Variants in DLGAP3 observed in about 807,000 individuals in gnomAD.
DLGAP3 encodes disks large-associated protein 3.
Under a neutral mutation model 81.2 loss-of-function variants are expected in DLGAP3, and 17 were observed. That is an observed-to-expected ratio of 0.21 (90% CI 0.14 to 0.31). The LOEUF (loss-of-function observed/expected upper bound fraction) is 0.31, where lower values mean the gene tolerates loss of function less well. DLGAP3 is among the 10% of genes least tolerant of loss of function. The pLI is 1.00. For synonymous variants in DLGAP3, 577 were observed against 587.4 expected (o/e 0.98, Z 0.26); for missense variants, 1,124 against 1,388.0 (o/e 0.81, Z 3.02).
In DLGAP3 at chr1:34,867,140, C is replaced by T; in HGVS notation, c.2629G>A (p.Asp877Asn). 6.2e-7 allele frequency: 1 copy of T among 1,614,160 alleles called. No individual in the cohort carries two copies. Among genetic ancestry groups the T allele is most frequent in the East Asian group, 2.2e-5 (1 of 44,876 alleles). The change falls in exon 11 of 12, where the codon GAC (aspartate) becomes AAC (asparagine). Residue 877 changes from aspartate (D) to asparagine (N), a missense_variant. Around this residue, in one of 9 missense-constraint regions of DLGAP3, gnomAD observed 133 missense variants for 171.1 expected, o/e 0.78. Coordinates refer to ENST00000373347, the MANE Select transcript of DLGAP3 (RefSeq NM_001080418.3). This position sits in a 1 kb window ranked among gnomAD's most constrained non-coding sequence, Gnocchi z 4.3. ...PTFQDLAGFW[D>N]LLQLSIEDVT... Reference sequence around the variant, plus strand: ...TCCTCGATGGAGAGCTGTAGGAGGTCCCAGAAACCCGCCAGGTCCTGGAAG... The same window carrying T: ...TCCTCGATGGAGAGCTGTAGGAGGTTCCAGAAACCCGCCAGGTCCTGGAAG...
rs60469155 is a variant in DLGAP3 at position 34,906,016 on chromosome 1, T to TTTTATATATATATATATATATATA, written c.-51-583_-51-582insTATATATATATATATATATATAAA. Among the ~76,000 whole-genome samples the TTTTATATATATATATATATATATA allele has an allele frequency of 2.1e-3, 139 of 64,758 alleles. 12 individuals carry two copies. Among genetic ancestry groups the TTTTATATATATATATATATATATA allele is most frequent in the African/African-American group, 5.6e-3 (120 of 21,582 alleles). The allele number at this position is 64,758 out of a possible 152,430, so 42.5% of individuals were successfully genotyped here. On this transcript the variant is annotated intron_variant, in intron 2 of 11. Transcript: ENST00000373347. ...ACAGAGCGAGACCTGGCCTCTAAAT[T>TTTTATATATATATATATATATATA]TATATATATATATATATTTGTTTGT...
chr1:34,922,615 T>C (rs922654300), intron 1 of DLGAP3, among the ~76,000 whole-genome samples: 5 of 152,138 alleles, frequency 3.3e-5, no homozygotes, highest in Non-Finnish European at 7.3e-5. Flanking sequence ...CATAGAGTCA[T>C]ATATATATAC....
chr1:34,886,000 G>C, intron 6 of DLGAP3, 72 bp downstream of exon 6: 1 of 1,444,290 alleles, frequency 6.9e-7, no homozygotes, highest in Non-Finnish European at 9.4e-7. Context: ...CACAGTCGAG[G>C]GGGAGGCCAG....
At chr1:34,911,240 T>C (rs1639635886) in intron 1 of DLGAP3, among the ~76,000 whole-genome samples, 2 of 152,122 alleles carry the variant, frequency 1.3e-5, no homozygotes, top group African/African-American at 4.8e-5. Flanking sequence ...GTAATGGAAG[T>C]GAATATGTTT....
chr1:34,927,560 C>T (rs1413504062), intron 1 of DLGAP3, among the ~76,000 whole-genome samples: 2 of 152,244 alleles, frequency 1.3e-5, no homozygotes, highest in East Asian at 3.9e-4. Context: ...GATGCGGGGG[C>T]TGTATGTGAG....
At chr1:34,866,441 C>A (rs897621479) in intron 11 of DLGAP3, 140 bp from the exon 12 acceptor site, 7 of 701,090 alleles carry the variant, frequency 1.0e-5, no homozygotes, top group African/African-American at 1.8e-5. Context: ...CCACGGATCC[C>A]GTGACCTGAA....
chr1:34,913,890 C>A (rs1265873705), intron 1 of DLGAP3, among the ~76,000 whole-genome samples: 1 of 152,142 alleles, frequency 6.6e-6, no homozygotes, highest in Non-Finnish European at 1.5e-5. Context: ...GTTTGTCTAG[C>A]CGCTCTGCTT....
At chr1:34,906,034 T>TATATATATATATATATATATATATA (rs1557492434) in intron 2 of DLGAP3, among the ~76,000 whole-genome samples, 11 of 39,102 alleles carry the variant, frequency 2.8e-4, no homozygotes, top group Non-Finnish European at 4.6e-4. Flanking sequence ...ATATATATAT[T>TATATATATATATATATATATATATA]TGTTTGTTTT....
rs907968536 is a variant in DLGAP3 at position 34,902,151 on chromosome 1, T to A, written c.1108-1878A>T. Among the ~76,000 whole-genome samples, 3 of 150,598 alleles carry A rather than the reference T, an allele frequency of 2.0e-5. No individual in the cohort carries two copies. The highest frequency in any genetic ancestry group is 6.6e-5 in the Admixed American group (1 of 15,084). ...GGAAAATGAGGTGTAAGTGAAGACG[T>A]GGGGGAGAGGACTGGGGGAGGTAGG... On this transcript the variant is annotated intron_variant, in intron 3 of 11. Transcript: ENST00000373347. The surrounding 1 kb of genome is among the most constrained non-coding windows in gnomAD (Gnocchi z 4.4).
intron 1 of DLGAP3, among the ~76,000 whole-genome samples, chr1:34,915,236 A>G (rs1035818151): frequency 1.3e-5 from 2 of 152,228 alleles, no homozygotes; most frequent in African/African-American, 2.4e-5. Flanking sequence ...GGCAATGAGT[A>G]ACTAAGCTGA....
intron 1 of DLGAP3, among the ~76,000 whole-genome samples, chr1:34,921,875 G>A (rs572416964): frequency 6.6e-6 from 1 of 152,298 alleles, no homozygotes; most frequent in African/African-American, 2.4e-5. Context: ...AGACACTCCT[G>A]TAGATTTGTT....
chr1:34,867,555 C>T lies in DLGAP3; in HGVS notation c.2558G>A (p.Arg853Gln), dbSNP rs540159412. The T allele has an allele frequency of 9.3e-6, 15 of 1,613,914 alleles. No individual in the cohort carries two copies. The highest frequency in any genetic ancestry group is 6.7e-5 in the Admixed American group (4 of 60,032). ...ACTCACCATGCTTTGCTGACACAGC[C>T]GGAAGAACTGCTGAACCTTCTGGGA... is the stretch of plus-strand genomic sequence containing the variant. ...LLSQKVQQFF[R>Q]LCQQSMDPTA... Residue 853 changes from arginine to glutamine, a missense_variant, in exon 10 of 12, where the codon CGG becomes CAG. By Grantham distance (43) the Arg-to-Gln change is conservative. Coordinates refer to ENST00000373347, the MANE Select transcript of DLGAP3 (RefSeq NM_001080418.3). The surrounding 1 kb of genome is among the most constrained non-coding windows in gnomAD (Gnocchi z 4.3).
chr1:34,900,207 T>C lies in DLGAP3; in HGVS notation c.1174A>G (p.Met392Val). Reference sequence around the variant, plus strand: ...GCTTTGATGTAGCTGCCGCTCCGCATCCTGCGGCAGGGGATCTCCCCATCC... The same window carrying C: ...GCTTTGATGTAGCTGCCGCTCCGCACCCTGCGGCAGGGGATCTCCCCATCC... Reference protein sequence around the residue: ...GKDGEIPCRRMRSGSYIKAMG... With the variant: ...GKDGEIPCRRVRSGSYIKAMG... Residue 392 changes from methionine (M) to valine (V), a missense_variant, in exon 4 of 12, where the codon ATG (methionine) becomes GTG (valine). Around this residue, in one of 9 missense-constraint regions of DLGAP3, gnomAD observed 357 missense variants for 408.8 expected, o/e 0.87. Transcript: ENST00000373347. This position sits in a 1 kb window ranked among gnomAD's most constrained non-coding sequence, Gnocchi z 5.6. 1 of 1,614,132 alleles carries C rather than the reference T, an allele frequency of 6.2e-7. No homozygotes were observed. Among genetic ancestry groups the C allele is most frequent in the Non-Finnish European group, 8.5e-7 (1 of 1,180,006 alleles).
In DLGAP3 at chr1:34,885,570, G is replaced by A; in HGVS notation, c.1822C>T (p.Pro608Ser). The change falls in exon 7 of 12, where the codon CCC (proline) becomes TCC (serine). Residue 608 changes from proline to serine, a missense_variant. Physicochemically the swap from Pro to Ser is moderately conservative, Grantham distance 74. This residue lies in a region of DLGAP3 where 379 missense variants were observed against 455.7 expected (regional missense o/e 0.83). Transcript: ENST00000373347. The stretch of plus-strand genomic sequence containing the variant: ...ATGGTCTTGATGATGAGTGTGGGGG[G>A]CTTGGGGCTGGCCCGGGGCGGCACC... The part of the protein sequence containing the change: ...APVPPRASPK[P>S]PTLIIKTIPG... 3 of 1,605,342 alleles carry A rather than the reference G, an allele frequency of 1.9e-6. No homozygotes were observed. The highest frequency in any genetic ancestry group is 8.5e-7 in the Non-Finnish European group (1 of 1,179,122).
intron 5 of DLGAP3, among the ~76,000 whole-genome samples, chr1:34,896,426 C>T (rs1639381329): frequency 6.6e-6 from 1 of 151,856 alleles, no homozygotes; most frequent in African/African-American, 2.4e-5. Flanking sequence ...GTCTCTACTA[C>T]AAATACAAAA....
intron 5 of DLGAP3, 83 bp from the exon 6 acceptor site, chr1:34,886,368 ACCT>A: frequency 7.7e-7 from 1 of 1,290,638 alleles, no homozygotes; most frequent in African/African-American, 1.5e-5. Context: ...TTAGGGGAAG[ACCT>A]CTCTATATCT....
Position 34,900,954 on chromosome 1 carries a change from G to A in DLGAP3, c.1108-681C>T, listed in dbSNP as rs185621246. On this transcript the variant is annotated intron_variant, in intron 3 of 11. Transcript: ENST00000373347. The surrounding 1 kb of genome is among the most constrained non-coding windows in gnomAD (Gnocchi z 5.6). The stretch of plus-strand genomic sequence containing the variant: ...GTGAGCCTGATTAGACGTGGGGGAT[G>A]AGGGGGCGGGAGGAGTCGAGGATGA... Among the ~76,000 whole-genome samples, 2 of 152,222 alleles carry A rather than the reference G, an allele frequency of 1.3e-5. No individual in the cohort carries two copies. The highest frequency in any genetic ancestry group is 4.8e-5 in the African/African-American group (2 of 41,538).
rs745946075 is a variant in DLGAP3, at chr1:34,866,068, G to C, written c.*15C>G. 1.3e-6 allele frequency: 2 copies of C among 1,588,040 alleles called. No homozygotes were observed. Among genetic ancestry groups the C allele is most frequent in the Non-Finnish European group, 1.7e-6 (2 of 1,172,664 alleles). On this transcript the variant is annotated 3_prime_UTR_variant, in exon 12 of 12. Transcript: ENST00000373347. The stretch of plus-strand genomic sequence containing the variant: ...AGAACCGCGGGCCCGGGCCGGGCTG[G>C]GCGGGCCGGACCGGTCACAGCCTGG...
chr1:34,886,943 CTTTTTTTTTTT>C (rs949966445), intron 5 of DLGAP3, among the ~76,000 whole-genome samples: 8 of 64,300 alleles, frequency 1.2e-4, no homozygotes, highest in African/African-American at 3.0e-4. Flanking sequence ...CCCCCACCTT[CTTTTTTTTTTT>C]TTTTTTTTTT....
Sources: allele counts gnomAD v4.1 joint callset (sites outside exome capture counted in the v4.1 genomes callset), GRCh38; gene constraint gnomAD v4.1.1; regional missense constraint gnomAD v4.1.1; non-coding constraint Gnocchi (gnomAD v3.1); transcripts MANE v1.5; gene names NCBI Gene and HGNC (gene_info 2026-07-23, HGNC 2026-07-21).